The following KCNH7 variants were observed in gnomAD, a reference collection of about 807,000 sequenced individuals.
The protein encoded by KCNH7 is voltage-gated inwardly rectifying potassium channel KCNH7.
Under a neutral mutation model 120.8 loss-of-function variants are expected in KCNH7, and 49 were observed. The observed-to-expected ratio is 0.41, with a 90% CI of 0.32 to 0.51. The LOEUF is 0.51. Ranked by LOEUF, KCNH7 falls within the 20% of genes least tolerant of loss-of-function variation. The pLI is 0.38. For missense variants in KCNH7, 1,097 were observed against 1,446.6 expected (o/e 0.76, Z 3.92); for synonymous variants, 547 against 516.1 (o/e 1.06, Z -0.81).
intron 6 of KCNH7, among the ~76,000 whole-genome samples, chr2:162,483,327 C>T (rs114375379): frequency 0.011 from 1,673 of 152,198 alleles, 24 homozygotes; most frequent in African/African-American, 0.039. Flanking sequence ...ATGGGCTATA[C>T]CAACAAAATC....
chr2:162,832,443 G>T (rs1261610468), intron 2 of KCNH7, among the ~76,000 whole-genome samples: 1 of 152,078 alleles, frequency 6.6e-6, no homozygotes, highest in Non-Finnish European at 1.5e-5. Flanking sequence ...ATGGTGAAAA[G>T]AAGATACACA....
intron 6 of KCNH7, among the ~76,000 whole-genome samples, chr2:162,468,942 C>T (rs1205018432): frequency 1.3e-5 from 2 of 152,030 alleles, no homozygotes; most frequent in Non-Finnish European, 2.9e-5. Context: ...CCTCGAACTT[C>T]CAGGCCCAGG....
At chr2:162,639,408 C>T (rs753311441) in intron 2 of KCNH7, among the ~76,000 whole-genome samples, 7 of 151,952 alleles carry the variant, frequency 4.6e-5, no homozygotes, top group Non-Finnish European at 8.8e-5. Context: ...GAAACTGAGA[C>T]TTAGAGAGTT....
At chr2:162,564,756 A>G (rs1693193849) in intron 2 of KCNH7, among the ~76,000 whole-genome samples, 1 of 152,078 alleles carries the variant, frequency 6.6e-6, no homozygotes, top group African/African-American at 2.4e-5. Flanking sequence ...ACATGGTTCT[A>G]CCTCTAAAGT....
chr2:162,450,298 C>T (rs923349309), intron 6 of KCNH7, among the ~76,000 whole-genome samples: 8 of 151,966 alleles, frequency 5.3e-5, no homozygotes, highest in East Asian at 1.9e-4. Context: ...TATTCCAATA[C>T]GCCCATTGAC....
chr2:162,471,767 C>A (rs1689541211), intron 6 of KCNH7, among the ~76,000 whole-genome samples: 1 of 152,148 alleles, frequency 6.6e-6, no homozygotes, highest in Admixed American at 6.5e-5. Flanking sequence ...CAAAAAAGAG[C>A]CTGCACTGCC....
intron 2 of KCNH7, among the ~76,000 whole-genome samples, chr2:162,717,191 T>C (rs995056620): frequency 2.0e-5 from 3 of 152,146 alleles, no homozygotes; most frequent in Non-Finnish European, 4.4e-5. Flanking sequence ...TACTACTTCA[T>C]GTCTCTACTC....
chr2:162,485,637 TAAGA>T (rs1190078282), intron 6 of KCNH7, among the ~76,000 whole-genome samples: 3 of 152,048 alleles, frequency 2.0e-5, no homozygotes, highest in African/African-American at 7.2e-5. Flanking sequence ...CTGAACGTAG[TAAGA>T]AAAAGAGAGG....
chr2:162,533,575 T>C (rs1692006980), intron 3 of KCNH7, among the ~76,000 whole-genome samples: 1 of 151,694 alleles, frequency 6.6e-6, no homozygotes, highest in African/African-American at 2.4e-5. Context: ...AAAAATGAGA[T>C]ACTTTGTAAT....
At chr2:162,377,800 A>G (rs912640097) in intron 14 of KCNH7, among the ~76,000 whole-genome samples, 14 of 152,218 alleles carry the variant, frequency 9.2e-5, no homozygotes, top group African/African-American at 3.4e-4. Flanking sequence ...CAGGAAACAC[A>G]TACCGATATT....
At chr2:162,518,679 G>A (rs975710882) in intron 3 of KCNH7, among the ~76,000 whole-genome samples, 1 of 151,716 alleles carries the variant, frequency 6.6e-6, no homozygotes, top group African/African-American at 2.4e-5. Context: ...AATATTGTGA[G>A]TCGAGTTTGG....
chr2:162,523,517 T>C (rs1186257425), intron 3 of KCNH7, among the ~76,000 whole-genome samples: 2 of 151,844 alleles, frequency 1.3e-5, no homozygotes, highest in African/African-American at 4.8e-5. Flanking sequence ...ACCTCATCCA[T>C]CTGCTGCTAC....
rs544077793 is a variant in KCNH7 at position 162,497,512 on chromosome 2, A to G, written c.1128+6931T>C. 7.9e-5 allele frequency among the ~76,000 whole-genome samples: 12 copies of G among 152,300 alleles called. No homozygotes were observed. In the East Asian group the frequency reaches 1.7e-3, roughly 22 times the overall value. On this transcript the variant is annotated intron_variant, in intron 6 of 15. Coordinates refer to ENST00000332142, the MANE Select transcript of KCNH7 (RefSeq NM_033272.4). ...CACTCAGATTAGGACATTTGGTGTC[A>G]CAGTCAAATGTTACAAGTATGTCCA...
In KCNH7 at chr2:162,435,502, A is replaced by C. The variant is rs1333387476; in HGVS notation, c.1650T>G (p.Ala550=). Residue 550 remains alanine (A), a synonymous_variant, in exon 8 of 16, where the codon GCT becomes GCG. Coordinates refer to ENST00000332142, the MANE Select transcript of KCNH7 (RefSeq NM_033272.4). ...AGATGCACATTAAGAGCATTAGAACAGCAGCGCCATATTCTGAATATCGAT... is the reference window on the plus strand; with the variant it reads ...AGATGCACATTAAGAGCATTAGAACCGCAGCGCCATATTCTGAATATCGAT... The part of the protein sequence containing the change: ...KLDRYSEYGA[A]VLMLLMCIFA... The C allele has an allele frequency of 8.1e-6, 13 of 1,613,692 alleles. No individual in the cohort carries two copies.
chr2:162,689,375 C>T (rs939811135), intron 2 of KCNH7, among the ~76,000 whole-genome samples: 2 of 152,130 alleles, frequency 1.3e-5, no homozygotes, highest in African/African-American at 4.8e-5. Flanking sequence ...TGGTTTCAAA[C>T]TCTTGACCTC....
At chr2:162,700,567 C>T (rs1686460282) in intron 2 of KCNH7, among the ~76,000 whole-genome samples, 1 of 151,802 alleles carries the variant, frequency 6.6e-6, no homozygotes, top group South Asian at 2.1e-4. Context: ...AAGAATTCTA[C>T]ATGAAAAAAA....
chr2:162,496,482 A>G (rs1356380322), intron 6 of KCNH7, among the ~76,000 whole-genome samples: 1 of 152,034 alleles, frequency 6.6e-6, no homozygotes, highest in African/African-American at 2.4e-5. Context: ...AGATATATAG[A>G]AGCCTTTGTA....
chr2:162,540,442 A>T (rs868796346), intron 2 of KCNH7, among the ~76,000 whole-genome samples: 16 of 152,112 alleles, frequency 1.1e-4, no homozygotes, highest in African/African-American at 3.9e-4. Flanking sequence ...ATAATTATGA[A>T]AAGTATACTT....
intron 2 of KCNH7, among the ~76,000 whole-genome samples, chr2:162,755,796 G>A (rs1688768288): frequency 6.6e-6 from 1 of 151,988 alleles, no homozygotes; most frequent in South Asian, 2.1e-4. Flanking sequence ...CTAACTATGA[G>A]CTGTAGTCAA....
Sources: gnomAD v4.1 joint callset for allele counts (sites outside exome capture counted in the v4.1 genomes callset) on GRCh38, gnomAD v4.1.1 for gene constraint, MANE v1.5 for transcripts, NCBI Gene and HGNC (gene_info 2026-07-23, HGNC 2026-07-21) for gene names.